Variants in POU6F2 observed in about 807,000 individuals in gnomAD.
The protein encoded by POU6F2 is POU domain, class 6, transcription factor 2.
In POU6F2, 31 loss-of-function variants were observed where a neutral mutation model predicts 71.3. The observed-to-expected ratio is 0.43, with a 90% CI of 0.33 to 0.59. The LOEUF (loss-of-function observed/expected upper bound fraction) is 0.59. Ranked by LOEUF, POU6F2 falls within the 20% of genes least tolerant of loss-of-function variation. POU6F2 has a pLI of 0.04. For missense variants in POU6F2, 783 were observed against 856.8 expected (o/e 0.91, Z 1.07); for synonymous variants, 347 against 355.7 (o/e 0.98, Z 0.27).
At chr7:39,035,801 G>A (rs538175059) in intron 1 of POU6F2, among the ~76,000 whole-genome samples, 11 of 152,042 alleles carry the variant, frequency 7.2e-5, no homozygotes, top group Admixed American at 2.6e-4. Context: ...AACTTCAAGG[G>A]TTTTAATTTA....
intron 4 of POU6F2, among the ~76,000 whole-genome samples, chr7:39,334,385 T>G (rs1036303846): frequency 6.6e-6 from 1 of 152,108 alleles, no homozygotes; most frequent in Non-Finnish European, 1.5e-5. Context: ...GATGAAAAAT[T>G]ACCTCTGGAG....
rs1339339297 is a variant in POU6F2, at chr7:39,204,317, T to C, written c.360T>C (p.Val120=). The C allele has an allele frequency of 1.2e-6, 2 of 1,613,184 alleles. No individual in the cohort carries two copies. The highest frequency in any genetic ancestry group is 2.2e-5 in the East Asian group (1 of 44,870). The change falls in exon 3 of 10, where the codon GTT becomes GTC. Residue 120 remains valine, a synonymous_variant. Coordinates refer to ENST00000518318, the MANE Select transcript of POU6F2 (RefSeq NM_001370959.1). ...QASQTHPPFP[V]GPQPLLTAQQ... is the part of the protein sequence containing the mutation. ...GTCAGACCCACCCCCCATTTCCAGT[T>C]GGGCCACAGGTCAGTATCTCTCAAC...
At chr7:39,063,413 A>G (rs1471692305) in intron 1 of POU6F2, among the ~76,000 whole-genome samples, 2 of 152,216 alleles carry the variant, frequency 1.3e-5, no homozygotes, top group Non-Finnish European at 2.9e-5. Flanking sequence ...CATTTCAGTG[A>G]CAAATCGAAA....
chr7:39,352,416 C>T (rs1175091118), intron 5 of POU6F2, among the ~76,000 whole-genome samples: 1 of 152,128 alleles, frequency 6.6e-6, no homozygotes, highest in East Asian at 1.9e-4. Context: ...CTCCTAACAC[C>T]ATAGCTTCAA....
At chr7:39,097,816 T>G (rs1416313424) in intron 2 of POU6F2, among the ~76,000 whole-genome samples, 2 of 152,162 alleles carry the variant, frequency 1.3e-5, no homozygotes, top group East Asian at 3.8e-4. Flanking sequence ...CACCCTGAAA[T>G]AGCCCACAAT....
chr7:39,236,022 G>A (rs1241229567), intron 4 of POU6F2, among the ~76,000 whole-genome samples: 1 of 152,198 alleles, frequency 6.6e-6, no homozygotes, highest in African/African-American at 2.4e-5. Flanking sequence ...CTCTGGAGTA[G>A]ATCTTTTATT....
At chr7:39,346,460 A>G (rs1252031799) in intron 5 of POU6F2, among the ~76,000 whole-genome samples, 1 of 152,226 alleles carries the variant, frequency 6.6e-6, no homozygotes, top group Non-Finnish European at 1.5e-5. Context: ...CACTTCTCAA[A>G]GAAAAGAGAA....
At chr7:39,022,135 T>A (rs1233680042) in intron 1 of POU6F2, among the ~76,000 whole-genome samples, 6 of 151,256 alleles carry the variant, frequency 4.0e-5, no homozygotes, top group Admixed American at 2.6e-4. Flanking sequence ...ATGCTTTCCT[T>A]CTTCTTCTCT....
At chr7:39,039,670 T>C (rs564724719) in intron 1 of POU6F2, among the ~76,000 whole-genome samples, 1 of 151,822 alleles carries the variant, frequency 6.6e-6, no homozygotes, top group African/African-American at 2.4e-5. Flanking sequence ...TGTGAGTTGA[T>C]AGTCGCAAAT....
intron 4 of POU6F2, among the ~76,000 whole-genome samples, chr7:39,280,704 A>G (rs1236934805): frequency 6.6e-6 from 1 of 152,242 alleles, no homozygotes; most frequent in African/African-American, 2.4e-5. Flanking sequence ...TAATGGAGGA[A>G]GAAAACTAAT....
At chr7:39,297,874 C>T (rs968439620) in intron 4 of POU6F2, among the ~76,000 whole-genome samples, 63 of 152,200 alleles carry the variant, frequency 4.1e-4, no homozygotes, top group African/African-American at 1.4e-3. Context: ...ATCTGATCTT[C>T]GACAAACTGA....
intron 1 of POU6F2, chr7:39,083,675 A>C (rs1791174325): frequency 1.3e-5 from 2 of 152,320 alleles, no homozygotes; most frequent in South Asian, 4.1e-4. Flanking sequence ...AGTAAACAAA[A>C]TGCAAATCTA....
chr7:39,246,271 G>T (rs899704854), intron 4 of POU6F2, among the ~76,000 whole-genome samples: 11 of 152,174 alleles, frequency 7.2e-5, no homozygotes, highest in African/African-American at 2.7e-4. Flanking sequence ...ACCAAGGAAG[G>T]CCTGGTTTCT....
At chr7:39,100,248 A>G (rs573084449) in intron 2 of POU6F2, among the ~76,000 whole-genome samples, 4 of 152,240 alleles carry the variant, frequency 2.6e-5, no homozygotes, top group Non-Finnish European at 4.4e-5. Flanking sequence ...GGCAACCTCA[A>G]AAAAATCTAT....
intron 2 of POU6F2, among the ~76,000 whole-genome samples, chr7:39,091,157 T>G (rs960749261): frequency 1.3e-5 from 2 of 152,152 alleles, no homozygotes; most frequent in African/African-American, 4.8e-5. Flanking sequence ...AGCTTTGAAA[T>G]AAAAATAAAT....
chr7:39,234,673 G>C (rs573284631), intron 4 of POU6F2, among the ~76,000 whole-genome samples: 2 of 152,196 alleles, frequency 1.3e-5, no homozygotes, highest in South Asian at 4.2e-4. Context: ...AGCATCTTTT[G>C]TTCCAATGAT....
chr7:39,305,697 G>C (rs1785034616), intron 4 of POU6F2, among the ~76,000 whole-genome samples: 2 of 152,196 alleles, frequency 1.3e-5, no homozygotes, highest in African/African-American at 2.4e-5. Flanking sequence ...AGAACATACA[G>C]TACGACCTGA....
intron 7 of POU6F2, among the ~76,000 whole-genome samples, chr7:39,442,606 T>C (rs1244992440): frequency 6.6e-6 from 1 of 152,224 alleles, no homozygotes; most frequent in Non-Finnish European, 1.5e-5. Flanking sequence ...ATTTACACTA[T>C]TTCTGTTTGA....
chr7:39,380,810 A>G (rs1786812289), intron 5 of POU6F2, among the ~76,000 whole-genome samples: 1 of 152,122 alleles, frequency 6.6e-6, no homozygotes, highest in Non-Finnish European at 1.5e-5. Flanking sequence ...CTTCGCTGAG[A>G]CAAGTTTCCC....
Sources: gnomAD v4.1 joint callset for allele counts (sites outside exome capture counted in the v4.1 genomes callset) on GRCh38, gnomAD v4.1.1 for gene constraint, MANE v1.5 for transcripts, NCBI Gene and HGNC (gene_info 2026-07-23, HGNC 2026-07-21) for gene names.